Variants in CCDC171 observed in about 807,000 individuals in gnomAD.
CCDC171 encodes the protein coiled-coil domain-containing protein 171.
In CCDC171, 177 loss-of-function variants were observed where a neutral mutation model predicts 168.2. The ratio of observed to expected loss-of-function variants is 1.05; its 90% CI spans 0.93 to 1.19. CCDC171 has a LOEUF of 1.19. Ranked by LOEUF, CCDC171 falls within the 50% of genes most tolerant of loss-of-function variation. CCDC171 has a pLI of 0.00. For missense variants in CCDC171, 1,991 were observed against 1,539.0 expected (o/e 1.29, Z -4.91); for synonymous variants, 687 against 540.8 (o/e 1.27, Z -3.75).
chr9:15,977,744 A>G (rs1011196769), downstream of CCDC171, among the ~76,000 whole-genome samples: 1 of 152,202 alleles, frequency 6.6e-6, no homozygotes. Context: ...AGGCTTATTT[A>G]GATCTGAAGA....
chr9:15,911,650 G>T (rs1174637250), intron 24 of CCDC171, among the ~76,000 whole-genome samples: 1 of 152,122 alleles, frequency 6.6e-6, no homozygotes, highest in Non-Finnish European at 1.5e-5. Context: ...GTATTGCCTA[G>T]GTTCTCTTGT....
chr9:16,054,694 C>T (rs144989849), intron 1 of CCDC171, among the ~76,000 whole-genome samples: 1 of 152,254 alleles, frequency 6.6e-6, no homozygotes, highest in African/African-American at 2.4e-5. Context: ...ACATTTCCTC[C>T]AGGGAGCTGT....
At chr9:15,608,004 C>T (rs564487306) in intron 6 of CCDC171, among the ~76,000 whole-genome samples, 6 of 152,246 alleles carry the variant, frequency 3.9e-5, no homozygotes, top group South Asian at 2.1e-4. Context: ...CTGACGATGG[C>T]CTTCTTGCTG....
chr9:15,715,931 CTACT>C (rs1230048885), intron 11 of CCDC171, among the ~76,000 whole-genome samples: 3 of 152,164 alleles, frequency 2.0e-5, no homozygotes, highest in African/African-American at 7.2e-5. Flanking sequence ...CTCCTGTGGG[CTACT>C]AATTCAAGAA....
chr9:15,975,006 T>G (rs1831576782), downstream of CCDC171, among the ~76,000 whole-genome samples: 1 of 152,136 alleles, frequency 6.6e-6, no homozygotes, highest in South Asian at 2.1e-4. Flanking sequence ...TGGGCTCAAG[T>G]GATCCTCCCA....
At chr9:15,608,480 T>G (rs1044370816) in intron 6 of CCDC171, among the ~76,000 whole-genome samples, 5 of 152,208 alleles carry the variant, frequency 3.3e-5, no homozygotes, top group African/African-American at 1.2e-4. Flanking sequence ...TTTTTCAGAT[T>G]TAATTTCTTT....
chr9:15,559,982 C>T (rs937311424), intron 1 of CCDC171, among the ~76,000 whole-genome samples: 5 of 152,044 alleles, frequency 3.3e-5, no homozygotes, highest in African/African-American at 4.8e-5. Context: ...ATTTCTCCTT[C>T]ACTTATGAAG....
intron 11 of CCDC171, among the ~76,000 whole-genome samples, chr9:15,695,707 G>T (rs943328606): frequency 6.6e-6 from 1 of 152,134 alleles, no homozygotes; most frequent in Admixed American, 6.5e-5. Context: ...CAACTTAAAG[G>T]TCATGCATTT....
chr9:15,814,110 T>C (rs2059466250), intron 21 of CCDC171, among the ~76,000 whole-genome samples: 1 of 152,196 alleles, frequency 6.6e-6, no homozygotes, highest in African/African-American at 2.4e-5. Context: ...TCTTAATTAA[T>C]TTTGTCAGTT....
chr9:16,001,122 A>G (rs1217860520), intron 3 of CCDC171, among the ~76,000 whole-genome samples: 1 of 152,198 alleles, frequency 6.6e-6, no homozygotes, highest in Admixed American at 6.5e-5. Flanking sequence ...GACTCAGAGA[A>G]GGGCCTCACC....
the CCDC171 span, among the ~76,000 whole-genome samples, chr9:16,103,758 G>T: frequency 3.4e-3 from 516 of 152,276 alleles, 12 homozygotes; most frequent in Non-Finnish European, 4.7e-4. Context: ...GCCATATCAG[G>T]ATTAGCCCAG....
At chr9:16,089,985 G>T in the CCDC171 span, among the ~76,000 whole-genome samples, 1 of 152,198 alleles carries the variant, frequency 6.6e-6, no homozygotes, top group African/African-American at 2.4e-5. Context: ...GTGTAAATTA[G>T]TTCAACCATT....
intron 11 of CCDC171, among the ~76,000 whole-genome samples, chr9:15,715,020 T>G (rs2052974196): frequency 6.6e-6 from 1 of 152,218 alleles, no homozygotes; most frequent in Admixed American, 6.5e-5. Flanking sequence ...GGTCTCTTGT[T>G]ACCCAAGATC....
chr9:15,749,241 G>A (rs1448920159), intron 18 of CCDC171, among the ~76,000 whole-genome samples: 2 of 152,032 alleles, frequency 1.3e-5, no homozygotes, highest in African/African-American at 4.8e-5. Flanking sequence ...TTACATAATG[G>A]TAAAGGGATC....
chr9:15,668,882 G>C (rs1283734235), intron 9 of CCDC171, among the ~76,000 whole-genome samples: 2 of 152,096 alleles, frequency 1.3e-5, no homozygotes, highest in East Asian at 3.8e-4. Context: ...TTTCAAAGTA[G>C]TTCTAAGTTT....
chr9:15,945,069 C>T (rs1828186627), intron 25 of CCDC171, among the ~76,000 whole-genome samples: 1 of 151,362 alleles, frequency 6.6e-6, no homozygotes, highest in Non-Finnish European at 1.5e-5. Context: ...GTGATGTTCC[C>T]CTTCCTGTGT....
At position 15,567,563 on chromosome 9, in the gene CCDC171, A is replaced by G. The variant is rs547578895; in HGVS notation, c.41+3434A>G. On this transcript the variant is annotated intron_variant, in intron 2 of 25. Transcript: ENST00000380701. ...ATTTTAATAATATTGAGTTTTCCTT[A>G]CATGAATGTGAGTATGGTGGAATGT... is the stretch of plus-strand genomic sequence containing the variant. Among the ~76,000 whole-genome samples the G allele has an allele frequency of 5.9e-5, 9 of 152,292 alleles. No individual in the cohort carries two copies. In the South Asian group the frequency reaches 1.9e-3, roughly 32 times the overall value.
intron 15 of CCDC171, among the ~76,000 whole-genome samples, chr9:15,728,834 A>G (rs577033923): frequency 1.3e-5 from 2 of 152,248 alleles, no homozygotes; most frequent in African/African-American, 4.8e-5. Context: ...AAGAAGAGAA[A>G]AACTGTCCCG....
chr9:16,018,253 G>A (rs1239061720), intron 3 of CCDC171, among the ~76,000 whole-genome samples: 1 of 152,146 alleles, frequency 6.6e-6, no homozygotes, highest in East Asian at 1.9e-4. Flanking sequence ...AGGCCAGAAA[G>A]ATATATTATT....
Sources: allele counts gnomAD v4.1 joint callset (sites outside exome capture counted in the v4.1 genomes callset), GRCh38; gene constraint gnomAD v4.1.1; transcripts MANE v1.5; gene names NCBI Gene and HGNC (gene_info 2026-07-23, HGNC 2026-07-21).